Variants in RIPOR2 observed in about 807,000 individuals in gnomAD.
The protein encoded by RIPOR2 is rho family-interacting cell polarization regulator 2.
In RIPOR2, 39 loss-of-function variants were observed where a neutral mutation model predicts 114.5. That is an observed-to-expected ratio of 0.34 (90% confidence interval 0.26 to 0.44). The LOEUF (loss-of-function observed/expected upper bound fraction) is 0.44, where lower values mean the gene tolerates loss of function less well. RIPOR2 is among the 20% of genes least tolerant of loss of function. RIPOR2 has a pLI of 1.00. For synonymous variants in RIPOR2, 445 were observed against 484.4 expected, an observed-to-expected ratio of 0.92 and a Z score of 1.07; for missense variants, 1,007 against 1,255.1, an observed-to-expected ratio of 0.80 and a Z score of 2.99.
intron 12 of RIPOR2, among the ~76,000 whole-genome samples, chr6:24,846,842 G>A (rs931658330): frequency 3.3e-5 from 5 of 152,026 alleles, no homozygotes; most frequent in South Asian, 2.1e-4. Flanking sequence ...TCTTTTTATC[G>A]AAGTGTTATA....
At chr6:24,971,516 G>T (rs1471686822) in intron 1 of RIPOR2, among the ~76,000 whole-genome samples, 1 of 152,206 alleles carries the variant, frequency 6.6e-6, no homozygotes, top group Non-Finnish European at 1.5e-5. Context: ...AGTTCAGGAT[G>T]GGTGCTTTGC....
At chr6:24,912,799 G>A (rs1769763885) in intron 1 of RIPOR2, among the ~76,000 whole-genome samples, 1 of 152,170 alleles carries the variant, frequency 6.6e-6, no homozygotes, top group Non-Finnish European at 1.5e-5. Flanking sequence ...TCCTGACTCA[G>A]GAATGGCACT....
chr6:24,914,868 ATGAAG>A (rs981958724), intron 1 of RIPOR2, among the ~76,000 whole-genome samples: 3 of 152,376 alleles, frequency 2.0e-5, no homozygotes, highest in African/African-American at 7.2e-5. Flanking sequence ...CACTGCCGTT[ATGAAG>A]TGAAGTCGGT....
chr6:25,010,585 T>C (rs1044295107), intron 1 of RIPOR2, among the ~76,000 whole-genome samples: 4 of 152,246 alleles, frequency 2.6e-5, no homozygotes, highest in African/African-American at 7.2e-5. Flanking sequence ...TTACTTTTTC[T>C]TGTTAGATGG....
intron 1 of RIPOR2, among the ~76,000 whole-genome samples, chr6:24,881,236 A>C (rs1454420611): frequency 6.6e-6 from 1 of 152,102 alleles, no homozygotes; most frequent in Admixed American, 6.6e-5. Flanking sequence ...TGGGGCTTTG[A>C]AAAATGTTTC....
chr6:25,042,003 C>T (rs1003066640), exon 1 of RIPOR2: 24 of 555,172 alleles, frequency 4.3e-5, no homozygotes, highest in Non-Finnish European at 7.7e-5. Flanking sequence ...GAAGTTAAGT[C>T]CAGACGTATA....
intron 1 of RIPOR2, among the ~76,000 whole-genome samples, chr6:25,001,607 A>C: frequency 7.7e-6 from 1 of 129,374 alleles, no homozygotes; most frequent in African/African-American, 3.0e-5. Flanking sequence ...CCTGGGCGAC[A>C]GAGCGAGACT....
chr6:24,888,720 T>C lies in RIPOR2; in HGVS notation c.62-12903A>G, dbSNP rs1767059510. On this transcript the variant is annotated intron_variant, in intron 1 of 21. Coordinates refer to ENST00000643898, the MANE Select transcript of RIPOR2 (RefSeq NM_001286445.3). ...TTCATCTCAGAGAAAGGATAAGAAA[T>C]AATCTTAAATGAAAGCTTTTCAGAT... Among the ~76,000 whole-genome samples the C allele has an allele frequency of 2.6e-5, 4 of 152,326 alleles. No individual in the cohort carries two copies. The South Asian group carries it at 8.3e-4, about 32-fold the overall frequency.
chr6:24,928,045 C>G (rs1771096697), intron 1 of RIPOR2, among the ~76,000 whole-genome samples: 1 of 152,156 alleles, frequency 6.6e-6, no homozygotes, highest in Non-Finnish European at 1.5e-5. Context: ...GCAGACCACT[C>G]AAAACTGCAA....
chr6:25,013,110 T>C (rs1398331928), intron 1 of RIPOR2, among the ~76,000 whole-genome samples: 1 of 151,756 alleles, frequency 6.6e-6, no homozygotes, highest in Non-Finnish European at 1.5e-5. Context: ...TAAGCAAAAA[T>C]AGCATCCCAC....
At chr6:24,986,898 C>T (rs1182307762) in intron 1 of RIPOR2, among the ~76,000 whole-genome samples, 2 of 149,926 alleles carry the variant, frequency 1.3e-5, no homozygotes, top group African/African-American at 4.9e-5. Context: ...AATACACGAA[C>T]ACTAATGGTA....
At chr6:24,975,523 A>T (rs1009491439) in intron 1 of RIPOR2, among the ~76,000 whole-genome samples, 15 of 152,166 alleles carry the variant, frequency 9.9e-5, no homozygotes, top group African/African-American at 3.6e-4. Flanking sequence ...ACAGTTAATA[A>T]TAATGTATTG....
chr6:24,880,539 G>A (rs1395144409), intron 1 of RIPOR2, among the ~76,000 whole-genome samples: 7 of 152,106 alleles, frequency 4.6e-5, no homozygotes, highest in Non-Finnish European at 8.8e-5. Context: ...TTCATATAAT[G>A]TAAAATTCTG....
intron 5 of RIPOR2, 116 bp downstream of exon 5, chr6:24,870,750 G>C: frequency 1.3e-5 from 9 of 691,626 alleles, no homozygotes; most frequent in Non-Finnish European, 2.2e-5. Flanking sequence ...CTAAGCTCAA[G>C]TGATCCACCC....
intron 1 of RIPOR2, among the ~76,000 whole-genome samples, chr6:24,941,533 A>G (rs1473618542): frequency 1.3e-5 from 2 of 152,248 alleles, no homozygotes; most frequent in Non-Finnish European, 2.9e-5. Flanking sequence ...GTTAAGGGAC[A>G]GTTCAGCCCT....
At chr6:24,968,164 C>T (rs1284807855) in intron 1 of RIPOR2, among the ~76,000 whole-genome samples, 4 of 152,098 alleles carry the variant, frequency 2.6e-5, no homozygotes, top group East Asian at 1.9e-4. Context: ...CCTCAGCCTC[C>T]GAAAGTGCTG....
intron 1 of RIPOR2, among the ~76,000 whole-genome samples, chr6:24,886,235 T>C (rs1336941228): frequency 6.6e-6 from 1 of 152,220 alleles, no homozygotes; most frequent in Non-Finnish European, 1.5e-5. Flanking sequence ...TTTGCAGATG[T>C]GATGCAAATT....
At chr6:25,002,721 G>C (rs1056729672) in intron 1 of RIPOR2, among the ~76,000 whole-genome samples, 1 of 152,186 alleles carries the variant, frequency 6.6e-6, no homozygotes, top group Non-Finnish European at 1.5e-5. Flanking sequence ...TGAAAGCAGG[G>C]ACTCAGCTCC....
chr6:24,869,034 G>T, intron 6 of RIPOR2, 60 bp downstream of exon 6: 1 of 966,934 alleles, frequency 1.0e-6, no homozygotes. Context: ...TCAGCCCAAA[G>T]GTGTATTTGA....
Sources: gnomAD v4.1 joint callset for allele counts (sites outside exome capture counted in the v4.1 genomes callset) on GRCh38, gnomAD v4.1.1 for gene constraint, MANE v1.5 for transcripts, NCBI Gene and HGNC (gene_info 2026-07-23, HGNC 2026-07-21) for gene names.